Variants in RALYL observed in about 807,000 individuals in gnomAD.
RALYL encodes RALY RNA binding protein like.
A neutral mutation model predicts 35.1 loss-of-function variants in RALYL; 29 were observed. The ratio of observed to expected loss-of-function variants is 0.83; its 90% CI spans 0.61 to 1.13. The LOEUF (loss-of-function observed/expected upper bound fraction) is 1.13, where lower values mean the gene tolerates loss of function less well. Among genes scored for constraint, RALYL ranks in the 50% most tolerant of loss-of-function variants. The pLI, the probability that RALYL is intolerant of heterozygous loss-of-function variation, is 0.00. For missense variants in RALYL, 359 were observed against 360.4 expected (o/e 1.00, Z 0.03); for synonymous variants, 120 against 127.6 (o/e 0.94, Z 0.40).
At chr8:84,676,285 A>G (rs1257336292) in intron 2 of RALYL, among the ~76,000 whole-genome samples, 1 of 152,234 alleles carries the variant, frequency 6.6e-6, no homozygotes, top group Non-Finnish European at 1.5e-5. Context: ...ACTATATCAG[A>G]AATGCAGCTT....
chr8:84,343,393 A>G (rs1217219020), intron 1 of RALYL, among the ~76,000 whole-genome samples: 1 of 152,082 alleles, frequency 6.6e-6, no homozygotes, highest in Non-Finnish European at 1.5e-5. Context: ...GCTGACATTG[A>G]TACCTTTCTA....
rs1849275090 is a variant in RALYL, at chr8:84,921,167, T to A, written c.*256T>A. 3.3e-6 allele frequency: 1 copy of A among 305,286 alleles called. No homozygotes were observed. Among genetic ancestry groups the A allele is most frequent in the Non-Finnish European group, 6.0e-6 (1 of 167,374 alleles). The allele number at this position is 305,286 out of a possible 1,614,324, so 18.9% of individuals were successfully genotyped here. On this transcript the variant is annotated 3_prime_UTR_variant, in exon 9 of 9. Transcript: ENST00000521268. ...TTGCTAATTATGTTTTTTTTTTCAG[T>A]CTTAAAATGTGAAAGGCATTTATGA...
intron 1 of RALYL, among the ~76,000 whole-genome samples, chr8:84,349,774 A>T (rs1850542260): frequency 6.6e-6 from 1 of 150,474 alleles, no homozygotes; most frequent in South Asian, 2.1e-4. Context: ...GAAGCATATC[A>T]CAAGGCTGGC....
intron 1 of RALYL, among the ~76,000 whole-genome samples, chr8:84,259,517 C>T (rs1346020875): frequency 2.0e-5 from 3 of 152,226 alleles, no homozygotes; most frequent in Middle Eastern, 6.8e-3. Flanking sequence ...GGATACTCAG[C>T]ATTAAATGTG....
chr8:84,702,365 A>T (rs1051884448), intron 2 of RALYL, among the ~76,000 whole-genome samples: 1 of 152,138 alleles, frequency 6.6e-6, no homozygotes, highest in African/African-American at 2.4e-5. Context: ...AAATGCTCTC[A>T]ACACAACTAT....
chr8:84,363,546 T>G (rs1853538565), intron 1 of RALYL, among the ~76,000 whole-genome samples: 1 of 152,224 alleles, frequency 6.6e-6, no homozygotes, highest in South Asian at 2.1e-4. Context: ...CCTAATTTAC[T>G]TTTTAGCTTA....
intron 2 of RALYL, among the ~76,000 whole-genome samples, chr8:84,591,104 T>C (rs968225524): frequency 1.3e-5 from 2 of 152,158 alleles, no homozygotes; most frequent in African/African-American, 4.8e-5. Flanking sequence ...TAATACAGGA[T>C]AGTATTTTTT....
rs1834211092 is a variant in RALYL at position 84,271,035 on chromosome 8, G to A, written c.-24+86611G>A. ...TTATGGATTTTTTTAAGGACAAGAA[G>A]GTGTAAAAATGGCAAATAGAACTTT... On this transcript the variant is annotated intron_variant, in intron 1 of 8. Transcript: ENST00000521268. 6.0e-5 allele frequency among the ~76,000 whole-genome samples: 9 copies of A among 150,608 alleles called. No homozygotes were observed. In the South Asian group the frequency reaches 1.9e-3, roughly 32 times the overall value.
In RALYL at chr8:84,393,916, A is replaced by G. The variant is rs144762849; in HGVS notation, c.-23-135383A>G. ...CAAATAATGATAATTATTTTTTATT[A>G]TATATCTACTTACTTTATTCCTCAC... is the stretch of plus-strand genomic sequence containing the variant. On this transcript the variant is annotated intron_variant, in intron 1 of 8. Coordinates refer to ENST00000521268, the MANE Select transcript of RALYL (RefSeq NM_173848.7). Among the ~76,000 whole-genome samples, 627 of 152,188 alleles carry G rather than the reference A, an allele frequency of 4.1e-3. 6 individuals carry two copies. Among genetic ancestry groups the G allele is most frequent in the African/African-American group, 0.014 (591 of 41,544 alleles).
chr8:84,621,657 A>G (rs981471747), intron 2 of RALYL, among the ~76,000 whole-genome samples: 1 of 152,200 alleles, frequency 6.6e-6, no homozygotes, highest in Non-Finnish European at 1.5e-5. Flanking sequence ...CATGAACTTC[A>G]TAAAAACAAT....
rs543860330 is a variant in RALYL at position 84,357,246 on chromosome 8, C to A, written c.-23-172053C>A. ...CCAATCATTGTGACAAGCAAATTTCCAGGAAAAAAAGGTATAATTTACATA... is the reference window on the plus strand; with the variant it reads ...CCAATCATTGTGACAAGCAAATTTCAAGGAAAAAAAGGTATAATTTACATA... On this transcript the variant is annotated intron_variant, in intron 1 of 8. Transcript: ENST00000521268. 4.7e-4 allele frequency among the ~76,000 whole-genome samples: 71 copies of A among 151,670 alleles called. No individual in the cohort carries two copies. The South Asian group carries it at 0.014, about 30-fold the overall frequency.
chr8:84,754,128 A>G (rs1206883604), intron 2 of RALYL, among the ~76,000 whole-genome samples: 1 of 151,982 alleles, frequency 6.6e-6, no homozygotes, highest in Admixed American at 6.6e-5. Context: ...TGCTGCACAG[A>G]AGCTCTTTAG....
At chr8:84,363,624 G>A (rs905112424) in intron 1 of RALYL, among the ~76,000 whole-genome samples, 1 of 152,292 alleles carries the variant, frequency 6.6e-6, no homozygotes, top group Admixed American at 6.5e-5. Flanking sequence ...TTATAAGGGA[G>A]CATTGGCCTT....
chr8:84,565,040 T>G (rs1286259466), intron 2 of RALYL, among the ~76,000 whole-genome samples: 1 of 151,646 alleles, frequency 6.6e-6, no homozygotes, highest in Non-Finnish European at 1.5e-5. Flanking sequence ...TTTACAAAAA[T>G]TATTTTAAAT....
intron 2 of RALYL, among the ~76,000 whole-genome samples, chr8:84,570,894 C>T (rs955062049): frequency 1.3e-5 from 2 of 151,666 alleles, no homozygotes; most frequent in Non-Finnish European, 2.9e-5. Flanking sequence ...TATTGATTTG[C>T]ATATGTTGAA....
intron 2 of RALYL, among the ~76,000 whole-genome samples, chr8:84,757,441 T>G (rs533776468): frequency 2.5e-4 from 38 of 152,316 alleles, no homozygotes; most frequent in African/African-American, 8.9e-4. Flanking sequence ...ACTGCCGATG[T>G]GCAGTTTGTA....
chr8:84,548,896 T>C (rs944824103), intron 2 of RALYL, among the ~76,000 whole-genome samples: 3 of 152,132 alleles, frequency 2.0e-5, no homozygotes, highest in Admixed American at 6.5e-5. Context: ...AAATTACTGG[T>C]TGTTAATTGA....
At chr8:84,475,633 T>A (rs1181967667) in intron 1 of RALYL, among the ~76,000 whole-genome samples, 1 of 152,198 alleles carries the variant, frequency 6.6e-6, no homozygotes, top group Non-Finnish European at 1.5e-5. Context: ...TTGTGAATTA[T>A]CAGAAATTGT....
chr8:84,449,338 G>A (rs1017458442), intron 1 of RALYL, among the ~76,000 whole-genome samples: 3 of 151,940 alleles, frequency 2.0e-5, no homozygotes, highest in African/African-American at 7.2e-5. Flanking sequence ...GAGCAGGGAT[G>A]TCATGTTCCT....
Sources: gnomAD v4.1 joint callset for allele counts (sites outside exome capture counted in the v4.1 genomes callset) on GRCh38, gnomAD v4.1.1 for gene constraint, MANE v1.5 for transcripts, NCBI Gene and HGNC (gene_info 2026-07-23, HGNC 2026-07-21) for gene names.